Variants in GRM5 observed in about 807,000 individuals in gnomAD.
GRM5 encodes the protein metabotropic glutamate receptor 5.
In GRM5, 19 loss-of-function variants were observed where a neutral mutation model predicts 83.1. The ratio of observed to expected loss-of-function variants is 0.23; its 90% CI spans 0.16 to 0.34. GRM5 has a LOEUF of 0.34. Among genes scored for constraint, GRM5 ranks in the 10% least tolerant of loss-of-function variants. The probability of loss-of-function intolerance (pLI) is 1.00; values close to 1 mark genes in which losing one functional copy is unlikely to be tolerated. For synonymous variants in GRM5, 675 were observed against 633.6 expected, an observed-to-expected ratio of 1.07 and a Z score of -0.98; for missense variants, 1,160 against 1,588.3, an observed-to-expected ratio of 0.73 and a Z score of 4.58.
intron 2 of GRM5, among the ~76,000 whole-genome samples, chr11:88,867,729 G>T (rs1013212733): frequency 2.6e-5 from 4 of 151,632 alleles, no homozygotes; most frequent in East Asian, 2.0e-4. Flanking sequence ...GTGTGAAGAT[G>T]CAAGGAGAAG....
intron 3 of GRM5, among the ~76,000 whole-genome samples, chr11:88,726,195 T>A (rs1251939054): frequency 6.6e-6 from 1 of 152,096 alleles, no homozygotes; most frequent in East Asian, 1.9e-4. Context: ...AGAACATAAA[T>A]GACCTAATGG....
At chr11:88,672,002 A>C (rs1194792151) in intron 3 of GRM5, among the ~76,000 whole-genome samples, 1 of 152,098 alleles carries the variant, frequency 6.6e-6, no homozygotes, top group Non-Finnish European at 1.5e-5. Context: ...AGAAATTTAT[A>C]ATGCTGACTT....
chr11:88,701,099 G>A (rs968081932), intron 3 of GRM5, among the ~76,000 whole-genome samples: 9 of 152,118 alleles, frequency 5.9e-5, no homozygotes, highest in Admixed American at 5.9e-4. Context: ...CTTCCAGCAA[G>A]GGACACAGTG....
intron 1 of GRM5, among the ~76,000 whole-genome samples, chr11:89,055,085 G>A (rs1408710709): frequency 1.3e-5 from 2 of 152,174 alleles, no homozygotes; most frequent in African/African-American, 4.8e-5. Context: ...TTAGGCTCTT[G>A]TCCAAGTATA....
intron 2 of GRM5, among the ~76,000 whole-genome samples, chr11:88,984,012 AAT>A (rs1196343017): frequency 1.2e-4 from 19 of 152,156 alleles, no homozygotes; most frequent in African/African-American, 4.3e-4. Flanking sequence ...ACAGCTCTTC[AAT>A]ATGTTTGTGT....
intron 3 of GRM5, among the ~76,000 whole-genome samples, chr11:88,820,386 A>T (rs1429265665): frequency 6.6e-6 from 1 of 151,338 alleles, no homozygotes; most frequent in Non-Finnish European, 1.5e-5. Flanking sequence ...AAAAAAAAAA[A>T]AAAAAAAGCC....
intron 2 of GRM5, among the ~76,000 whole-genome samples, chr11:89,030,385 A>T (rs1490469710): frequency 1.3e-5 from 2 of 152,152 alleles, no homozygotes; most frequent in Admixed American, 1.3e-4. Flanking sequence ...ATCCTGGGGA[A>T]GTATTTTCTC....
chr11:88,938,015 A>T (rs562651689), intron 2 of GRM5, among the ~76,000 whole-genome samples: 2 of 151,890 alleles, frequency 1.3e-5, no homozygotes, highest in African/African-American at 2.4e-5. Context: ...TGTATTATAT[A>T]CTTGAAAATT....
chr11:88,677,177 G>A (rs949007738), intron 3 of GRM5, among the ~76,000 whole-genome samples: 1 of 152,016 alleles, frequency 6.6e-6, no homozygotes, highest in African/African-American at 2.4e-5. Flanking sequence ...TATACAACAT[G>A]TAATAACTTT....
chr11:88,773,113 T>C lies in GRM5; in HGVS notation c.911+76793A>G, dbSNP rs1174214932. ...TCTCCACATCCTCTCCAGCACCTGT[T>C]GTTTCCTGACTTTTTAATGATTGCC... On this transcript the variant is annotated intron_variant, in intron 3 of 9. Transcript: ENST00000305447. Among the ~76,000 whole-genome samples, 5 of 152,268 alleles carry C rather than the reference T, an allele frequency of 3.3e-5. No homozygotes were observed. The East Asian group carries it at 9.7e-4, about 29-fold the overall frequency.
rs1346484325 is a variant in GRM5, at chr11:89,024,418, G to C, written c.661+22794C>G. On this transcript the variant is annotated intron_variant, in intron 2 of 9. Transcript: ENST00000305447. ...CTTTAATTTCAGACTCTTATATCAGGATCTTCATAGCAAAAATAATTCTGA... is the reference window on the plus strand; with the variant it reads ...CTTTAATTTCAGACTCTTATATCAGCATCTTCATAGCAAAAATAATTCTGA... Among the ~76,000 whole-genome samples the C allele has an allele frequency of 5.9e-5, 9 of 152,216 alleles. No individual in the cohort carries two copies. The Middle Eastern group carries it at 0.01, about 174-fold the overall frequency.
At chr11:88,989,614 A>G (rs897660982) in intron 2 of GRM5, among the ~76,000 whole-genome samples, 17 of 139,444 alleles carry the variant, frequency 1.2e-4, no homozygotes, top group Middle Eastern at 3.5e-3. Flanking sequence ...CTTGGAAGTA[A>G]AGCTCTCCTC....
chr11:89,045,760 CATG>C (rs1239276993), intron 2 of GRM5, among the ~76,000 whole-genome samples: 1 of 152,156 alleles, frequency 6.6e-6, no homozygotes, highest in African/African-American at 2.4e-5. Flanking sequence ...TAATAAAATG[CATG>C]ATTTATTTGA....
chr11:88,591,001 T>G (rs1378786709), intron 6 of GRM5, among the ~76,000 whole-genome samples: 1 of 152,194 alleles, frequency 6.6e-6, no homozygotes, highest in African/African-American at 2.4e-5. Context: ...AAACCTGTAT[T>G]TAATTAAGTA....
At chr11:88,552,181 C>T (rs917160903) in intron 8 of GRM5, among the ~76,000 whole-genome samples, 3 of 151,952 alleles carry the variant, frequency 2.0e-5, no homozygotes, top group Admixed American at 6.6e-5. Flanking sequence ...TCTGTCACCA[C>T]ATCTAGCTAT....
chr11:88,718,059 G>A (rs997419517), intron 3 of GRM5, among the ~76,000 whole-genome samples: 20 of 151,700 alleles, frequency 1.3e-4, no homozygotes, highest in African/African-American at 4.8e-4. Context: ...AAATTGAAAT[G>A]GCTGAGTTAC....
At chr11:88,535,499 G>A (rs1051877412) in intron 8 of GRM5, among the ~76,000 whole-genome samples, 11 of 152,188 alleles carry the variant, frequency 7.2e-5, no homozygotes, top group Middle Eastern at 3.2e-3. Flanking sequence ...TGGAAAGGTC[G>A]AAATAAGTAG....
At chr11:88,675,091 C>T (rs988854164) in intron 3 of GRM5, among the ~76,000 whole-genome samples, 19 of 151,820 alleles carry the variant, frequency 1.3e-4, no homozygotes, top group Non-Finnish European at 2.2e-4. Context: ...TTTTCATTTT[C>T]CTATATTCTG....
intron 3 of GRM5, among the ~76,000 whole-genome samples, chr11:88,726,968 G>T (rs187384812): frequency 6.6e-6 from 1 of 152,276 alleles, no homozygotes; most frequent in Admixed American, 6.5e-5. Context: ...ATACTATGAA[G>T]AAACTGCATC....
Sources: gnomAD v4.1 joint callset for allele counts (sites outside exome capture counted in the v4.1 genomes callset) on GRCh38, gnomAD v4.1.1 for gene constraint, MANE v1.5 for transcripts, NCBI Gene and HGNC (gene_info 2026-07-23, HGNC 2026-07-21) for gene names.